The following KCNN2 variants were observed in gnomAD, a reference collection of about 807,000 sequenced individuals.
The protein encoded by KCNN2 is small conductance calcium-activated potassium channel protein 2.
KCNN2 carries 24 observed loss-of-function variants against 55.5 expected under a neutral mutation model. The ratio of observed to expected loss-of-function variants is 0.43; its 90% CI spans 0.31 to 0.61. The LOEUF (loss-of-function observed/expected upper bound fraction) is 0.61. Among genes scored for constraint, KCNN2 ranks in the 20% least tolerant of loss-of-function variants. The pLI is 0.08. For synonymous variants in KCNN2, 431 were observed against 336.1 expected, an observed-to-expected ratio of 1.28 and a Z score of -3.09; for missense variants, 754 against 853.6, an observed-to-expected ratio of 0.88 and a Z score of 1.45.
chr5:114,278,369 C>T (rs921475029), intron 2 of KCNN2, among the ~76,000 whole-genome samples: 3 of 152,240 alleles, frequency 2.0e-5, no homozygotes, highest in Admixed American at 2.0e-4. Flanking sequence ...GGGAGAACCA[C>T]TGCTCTCTTC....
chr5:114,446,074 C>T (rs758663311), intron 3 of KCNN2, among the ~76,000 whole-genome samples: 3 of 152,198 alleles, frequency 2.0e-5, no homozygotes, highest in Non-Finnish European at 2.9e-5. Context: ...GGCCCCAGTA[C>T]TTGGTACAGT....
At chr5:114,212,788 A>G (rs988583813) in intron 1 of KCNN2, among the ~76,000 whole-genome samples, 22 of 152,072 alleles carry the variant, frequency 1.4e-4, no homozygotes, top group African/African-American at 4.6e-4. Flanking sequence ...ATGATCATAT[A>G]TCCAATTTGC....
At chr5:114,253,038 G>A (rs1012813624) in intron 2 of KCNN2, among the ~76,000 whole-genome samples, 2 of 151,824 alleles carry the variant, frequency 1.3e-5, no homozygotes, top group African/African-American at 4.8e-5. Context: ...TTGGGGGGTA[G>A]TACCTCTTGA....
chr5:114,489,051 A>G (rs1406802756), intron 6 of KCNN2: 1 of 152,074 alleles, frequency 6.6e-6, no homozygotes, highest in African/African-American at 2.4e-5. Flanking sequence ...GGGTAATTAC[A>G]TGTGATTTAC....
At chr5:114,494,812 G>A (rs1051908036) in intron 7 of KCNN2, among the ~76,000 whole-genome samples, 2 of 152,116 alleles carry the variant, frequency 1.3e-5, no homozygotes, top group Non-Finnish European at 2.9e-5. Flanking sequence ...TATGCACTCT[G>A]TCTCTGGTCA....
At chr5:114,084,870 C>CT (rs1335175767) in intron 1 of KCNN2, among the ~76,000 whole-genome samples, 15 of 151,766 alleles carry the variant, frequency 9.9e-5, no homozygotes. Context: ...TCTAGATTTG[C>CT]TTTTTTGCAT....
intron 2 of KCNN2, among the ~76,000 whole-genome samples, chr5:114,380,704 T>A (rs1243543851): frequency 6.6e-6 from 1 of 152,224 alleles, no homozygotes; most frequent in Non-Finnish European, 1.5e-5. Flanking sequence ...GTTTCTCATA[T>A]GTAACTGAGG....
intron 1 of KCNN2, among the ~76,000 whole-genome samples, chr5:114,136,776 A>G (rs78882846): frequency 0.012 from 1,809 of 152,302 alleles, 36 homozygotes; most frequent in African/African-American, 0.041. Context: ...AAAAAGCATG[A>G]CTAAATGTGA....
intron 2 of KCNN2, among the ~76,000 whole-genome samples, chr5:114,281,766 A>G (rs563732458): frequency 5.9e-5 from 9 of 151,612 alleles, no homozygotes; most frequent in African/African-American, 1.9e-4. Context: ...TAAAATTTTA[A>G]AATAAGATAA....
Position 114,362,511 on chromosome 5 carries a change from G to A in KCNN2, c.372G>A (p.Gln124=). ...GCTGCTCGTCGCGCCGGGGCAGCCAGCTCAATGTGAGCGAGCTGACGCCGT... is the reference window on the plus strand; with the variant it reads ...GCTGCTCGTCGCGCCGGGGCAGCCAACTCAATGTGAGCGAGCTGACGCCGT... ...CCCCSSRRGS[Q]LNVSELTPSS... The change falls in exon 1 of 8, where the codon CAG becomes CAA. Residue 124 remains glutamine (Q), a synonymous_variant. Coordinates refer to ENST00000673685, the MANE Select transcript of KCNN2 (RefSeq NM_021614.4). 1 of 504,416 alleles carries A rather than the reference G, an allele frequency of 2.0e-6. No individual in the cohort carries two copies. Among genetic ancestry groups the A allele is most frequent in the South Asian group, 3.2e-5 (1 of 31,194 alleles). 31.2% of individuals were successfully genotyped at this position (504,416 alleles called of 1,614,324 possible). A position where few individuals can be genotyped will look rare whatever the true frequency, so the allele number is the denominator to read the frequency against.
At chr5:114,371,683 A>G (rs1287195860) in intron 2 of KCNN2, among the ~76,000 whole-genome samples, 3 of 152,182 alleles carry the variant, frequency 2.0e-5, no homozygotes, top group Non-Finnish European at 4.4e-5. Flanking sequence ...CAAACATTTT[A>G]ACATTAGATC....
intron 2 of KCNN2, among the ~76,000 whole-genome samples, chr5:114,334,616 T>G (rs73779800): frequency 0.014 from 2,191 of 152,238 alleles, 48 homozygotes; most frequent in African/African-American, 0.05. Context: ...CACTTTTACA[T>G]TTTAGACTCT....
chr5:114,488,279 G>A (rs73779903), intron 6 of KCNN2, among the ~76,000 whole-genome samples: 8,177 of 152,128 alleles, frequency 0.054, 683 homozygotes, highest in African/African-American at 0.19. Context: ...GGCTCTGCAC[G>A]TATGGTAGAG....
intron 2 of KCNN2, among the ~76,000 whole-genome samples, chr5:114,336,795 G>A (rs1448640201): frequency 6.6e-6 from 1 of 152,076 alleles, no homozygotes; most frequent in Admixed American, 6.6e-5. Flanking sequence ...CCATGAAAAG[G>A]AAATAGCTTG....
intron 2 of KCNN2, among the ~76,000 whole-genome samples, chr5:114,292,634 C>A (rs1404670738): frequency 2.6e-5 from 4 of 152,130 alleles, no homozygotes; most frequent in Non-Finnish European, 4.4e-5. Flanking sequence ...GTGATGCTTC[C>A]AGCTTTGTTC....
At chr5:114,238,152 G>C (rs1754543763) in intron 2 of KCNN2, among the ~76,000 whole-genome samples, 1 of 152,176 alleles carries the variant, frequency 6.6e-6, no homozygotes, top group African/African-American at 2.4e-5. Context: ...AGTGATCACA[G>C]TAAAGGTGAG....
intron 3 of KCNN2, among the ~76,000 whole-genome samples, chr5:114,459,410 C>T (rs1218216157): frequency 6.6e-6 from 1 of 152,112 alleles, no homozygotes; most frequent in Non-Finnish European, 1.5e-5. Flanking sequence ...GTATGTGAAG[C>T]GAACTTCTAT....
At chr5:114,388,647 C>T (rs1401248473) in intron 2 of KCNN2, among the ~76,000 whole-genome samples, 2 of 152,070 alleles carry the variant, frequency 1.3e-5, no homozygotes, top group Non-Finnish European at 2.9e-5. Context: ...CTTCTTGCTG[C>T]ATGCAGAGCA....
intron 1 of KCNN2, among the ~76,000 whole-genome samples, chr5:114,122,295 G>C (rs1219984258): frequency 1.3e-5 from 2 of 152,150 alleles, no homozygotes; most frequent in Admixed American, 1.3e-4. Context: ...CCAGAAGGCA[G>C]TATGAAAGAG....
Sources: gnomAD v4.1 joint callset for allele counts (sites outside exome capture counted in the v4.1 genomes callset) on GRCh38, gnomAD v4.1.1 for gene constraint, MANE v1.5 for transcripts, NCBI Gene and HGNC (gene_info 2026-07-23, HGNC 2026-07-21) for gene names.